The following CD1B variants were observed in gnomAD, a reference collection of about 807,000 sequenced individuals.
The protein encoded by CD1B is T-cell surface glycoprotein CD1b.
CD1B carries 43 observed loss-of-function variants against 39.8 expected under a neutral mutation model. That is an observed-to-expected ratio of 1.08 (90% CI 0.85 to 1.39). The LOEUF (loss-of-function observed/expected upper bound fraction) is 1.39, where lower values mean the gene tolerates loss of function less well. Among genes scored for constraint, CD1B ranks in the 40% most tolerant of loss-of-function variants. The probability of loss-of-function intolerance (pLI) is 0.00; values close to 1 mark genes in which losing one functional copy is unlikely to be tolerated. For missense variants in CD1B, 495 were observed against 403.8 expected (o/e 1.23, Z -1.94); for synonymous variants, 192 against 152.5 (o/e 1.26, Z -1.91).
chr1:158,301,103 G>T, the CD1B span, among the ~76,000 whole-genome samples: 3 of 151,792 alleles, frequency 2.0e-5, no homozygotes, highest in African/African-American at 7.3e-5. Flanking sequence ...CAGAGACTGG[G>T]ATTGCAACCC....
At position 158,331,046 on chromosome 1, in the gene CD1B, G is replaced by C. The variant is rs757261107; in HGVS notation, c.78C>G (p.Thr26=). Residue 26 remains threonine, a synonymous_variant, in exon 2 of 6, where the codon ACC becomes ACG. Transcript: ENST00000368168. The stretch of plus-strand genomic sequence containing the variant: ...ACGAGGTCTGGATAACATGAAAGGA[G>C]GTCGGCCCCTGGAAGGCTGTGAAGA... ...GNSEHAFQGP[T]SFHVIQTSSF... The C allele has an allele frequency of 9.3e-6, 15 of 1,611,942 alleles. No homozygotes were observed. The highest frequency in any genetic ancestry group is 1.3e-5 in the Non-Finnish European group (15 of 1,179,242).
At chr1:158,322,129 T>C in the CD1B span, among the ~76,000 whole-genome samples, 1 of 152,340 alleles carries the variant, frequency 6.6e-6, no homozygotes, top group Admixed American at 6.5e-5. Flanking sequence ...TAAAGTATTT[T>C]AGTTATCATT....
chr1:158,291,265 A>ATAAT, the CD1B span: 1 of 1,614,124 alleles, frequency 6.2e-7, no homozygotes, highest in South Asian at 1.1e-5. Context: ...ATCAGGCACA[A>ATAAT]TAATTTTCCT....
At chr1:158,330,206 T>G in intron 2 of CD1B, 76 bp from the exon 3 acceptor site, 4 of 1,352,466 alleles carry the variant, frequency 3.0e-6, no homozygotes, top group Non-Finnish European at 4.1e-6. Flanking sequence ...CCTAGGATTT[T>G]AGATTTTGGT....
the CD1B span, among the ~76,000 whole-genome samples, chr1:158,298,302 C>T: frequency 6.6e-6 from 1 of 152,170 alleles, no homozygotes; most frequent in African/African-American, 2.4e-5. Flanking sequence ...TGGTGGTAGA[C>T]TTCAACACCC....
At chr1:158,322,276 A>T in the CD1B span, among the ~76,000 whole-genome samples, 2 of 152,052 alleles carry the variant, frequency 1.3e-5, no homozygotes, top group Non-Finnish European at 2.9e-5. Flanking sequence ...TTACTCTATC[A>T]CCCAGGCTGG....
In CD1B at chr1:158,331,501, C is replaced by T. The variant is rs888045531; in HGVS notation, c.-78G>A. The T allele has an allele frequency of 3.5e-6, 4 of 1,136,082 alleles. No homozygotes were observed. The African/African-American group carries it at 6.1e-5, about 17-fold the overall frequency. 70.4% of individuals were successfully genotyped at this position (1,136,082 alleles called of 1,614,324 possible). A position where few individuals can be genotyped will look rare whatever the true frequency, so the allele number is the denominator to read the frequency against. The stretch of plus-strand genomic sequence containing the variant: ...TTCAGCAAAGCTTTTCCTCAGTACC[C>T]TGTAGTGACTTCTTCTCTCTTCCAA... On this transcript the variant is annotated 5_prime_UTR_variant, in exon 1 of 6. Transcript: ENST00000368168.
At chr1:158,304,683 C>A in the CD1B span, among the ~76,000 whole-genome samples, 1 of 152,188 alleles carries the variant, frequency 6.6e-6, no homozygotes, top group Admixed American at 6.5e-5. Context: ...CTGGGAGGCA[C>A]CTCCCAGTAG....
At chr1:158,298,627 T>C in the CD1B span, among the ~76,000 whole-genome samples, 1 of 152,238 alleles carries the variant, frequency 6.6e-6, no homozygotes, top group African/African-American at 2.4e-5. Flanking sequence ...TTTCACGATA[T>C]TGATTCTTCC....
chr1:158,312,368 C>T, the CD1B span, among the ~76,000 whole-genome samples: 1 of 152,164 alleles, frequency 6.6e-6, no homozygotes, highest in Non-Finnish European at 1.5e-5. Flanking sequence ...GTGCCTTTTA[C>T]CTTCTGCCAT....
chr1:158,308,618 G>C, the CD1B span, among the ~76,000 whole-genome samples: 1 of 152,232 alleles, frequency 6.6e-6, no homozygotes, highest in African/African-American at 2.4e-5. Context: ...GCATGGTACT[G>C]GTACCAAAAC....
At chr1:158,322,521 C>T in the CD1B span, among the ~76,000 whole-genome samples, 1 of 151,900 alleles carries the variant, frequency 6.6e-6, no homozygotes, top group South Asian at 2.1e-4. Context: ...CCACTTGCCT[C>T]AGCTTTCTAA....
chr1:158,306,935 G>A, the CD1B span, among the ~76,000 whole-genome samples: 7 of 152,142 alleles, frequency 4.6e-5, no homozygotes, highest in African/African-American at 1.7e-4. Flanking sequence ...AAGGCAGTGT[G>A]TAGAGGGAAA....
chr1:158,308,877 C>T, the CD1B span, among the ~76,000 whole-genome samples: 2 of 152,100 alleles, frequency 1.3e-5, no homozygotes, highest in Non-Finnish European at 2.9e-5. Flanking sequence ...CCGTAAAAAC[C>T]CTAGAAGAAA....
At chr1:158,307,519 G>A in the CD1B span, among the ~76,000 whole-genome samples, 3 of 152,188 alleles carry the variant, frequency 2.0e-5, no homozygotes, top group South Asian at 2.1e-4. Flanking sequence ...GGAGGAGCTG[G>A]TACCATTCCT....
the CD1B span, among the ~76,000 whole-genome samples, chr1:158,315,342 T>G: frequency 3.2e-4 from 49 of 151,836 alleles, no homozygotes; most frequent in Middle Eastern, 3.4e-3. Flanking sequence ...TTTTAATGAT[T>G]GCCATTCTAA....
At chr1:158,303,373 G>A in the CD1B span, among the ~76,000 whole-genome samples, 1 of 152,080 alleles carries the variant, frequency 6.6e-6, no homozygotes, top group East Asian at 1.9e-4. Flanking sequence ...ACTAGAACAA[G>A]GCAATGATGT....
the CD1B span, chr1:158,290,212 G>T: frequency 5.0e-6 from 6 of 1,211,576 alleles, no homozygotes; most frequent in South Asian, 7.7e-5. Flanking sequence ...AGAGATGCCA[G>T]AATGCTTGCC....
the CD1B span, among the ~76,000 whole-genome samples, chr1:158,318,380 A>C: frequency 4.6e-5 from 7 of 151,052 alleles, no homozygotes; most frequent in African/African-American, 1.5e-4. Flanking sequence ...AGGATAGTTA[A>C]CTCTTCTTGT....
Sources: gnomAD v4.1 joint callset for allele counts (sites outside exome capture counted in the v4.1 genomes callset) on GRCh38, gnomAD v4.1.1 for gene constraint, MANE v1.5 for transcripts, NCBI Gene and HGNC (gene_info 2026-07-23, HGNC 2026-07-21) for gene names.